Variants in SYMPK observed in about 807,000 individuals in gnomAD.
SYMPK encodes the protein symplekin scaffold protein.
Under a neutral mutation model 136.4 loss-of-function variants are expected in SYMPK, and 49 were observed. That is an observed-to-expected ratio of 0.36 (90% CI 0.29 to 0.46). The LOEUF is 0.46. Ranked by LOEUF, SYMPK falls within the 20% of genes least tolerant of loss-of-function variation. SYMPK has a pLI of 1.00. For synonymous variants in SYMPK, 766 were observed against 713.0 expected, an observed-to-expected ratio of 1.07 and a Z score of -1.19; for missense variants, 1,365 against 1,690.0, an observed-to-expected ratio of 0.81 and a Z score of 3.37.
At chr19:45,822,901 C>G in intron 20 of SYMPK, 55 bp from the exon 21 acceptor site, 2 of 1,448,648 alleles carry the variant, frequency 1.4e-6, no homozygotes, top group South Asian at 1.2e-5. Flanking sequence ...CCTCATTTCC[C>G]TTCTAGACAA....
At chr19:45,817,064 G>T in intron 23 of SYMPK, 90 bp from the exon 24 acceptor site, 3 of 1,323,070 alleles carry the variant, frequency 2.3e-6, no homozygotes, top group Non-Finnish European at 3.1e-6. Context: ...CCAAGACCAT[G>T]CCCAAATCCC....
In SYMPK at chr19:45,842,461, C is replaced by A; in HGVS notation, c.876G>T (p.Ser292=). The change falls in exon 9 of 27, where the codon TCG becomes TCT. Residue 292 remains serine, a synonymous_variant. Coordinates refer to ENST00000245934, the MANE Select transcript of SYMPK (RefSeq NM_004819.3). ...GATTCTTACGCACACTGCTCACCTG[C>A]GATTTGGCCAGCGTCGGGGGCAGGT... ...HANLPPTLAK[S]QVSSVRKNLK... 4.3e-6 allele frequency: 7 copies of A among 1,613,510 alleles called. No individual in the cohort carries two copies. Among genetic ancestry groups the A allele is most frequent in the Non-Finnish European group, 5.9e-6 (7 of 1,179,624 alleles).
At chr19:45,861,074 G>C (rs1453921329) in intron 1 of SYMPK, among the ~76,000 whole-genome samples, 3 of 152,110 alleles carry the variant, frequency 2.0e-5, no homozygotes, top group Non-Finnish European at 4.4e-5. Context: ...CAACCGGCAT[G>C]GCATGCCGTC....
chr19:45,853,218 C>T (rs969134772), intron 3 of SYMPK, among the ~76,000 whole-genome samples: 5 of 152,226 alleles, frequency 3.3e-5, no homozygotes, highest in African/African-American at 1.2e-4. Context: ...CGGGTTCTCA[C>T]ACAGGAATGC....
rs553965275 is a variant in SYMPK at position 45,821,618 on chromosome 19, G to T, written c.2792-133C>A. On this transcript the variant is annotated intron_variant, in intron 21 of 26. Transcript: ENST00000245934. This position sits in a 1 kb window ranked among gnomAD's most constrained non-coding sequence, Gnocchi z 4.4. ...CTCTGCTTTCAGGGCTGGAACAGGG[G>T]AAGCGACTGACAACATAAAAAGGGG... The T allele has an allele frequency of 1.5e-5, 10 of 665,558 alleles. No individual in the cohort carries two copies. Among genetic ancestry groups the T allele is most frequent in the African/African-American group, 3.7e-5 (2 of 54,428 alleles). The allele number at this position is 665,558 out of a possible 1,614,324, so 41.2% of individuals were successfully genotyped here. A position where few individuals can be genotyped will look rare whatever the true frequency, so the allele number is the denominator to read the frequency against.
At position 45,823,476 on chromosome 19, in the gene SYMPK, C is replaced by T. The variant is rs757735398; in HGVS notation, c.2600-4G>A. 1.2e-6 allele frequency: 2 copies of T among 1,613,562 alleles called. No homozygotes were observed. Among genetic ancestry groups the T allele is most frequent in the Non-Finnish European group, 1.7e-6 (2 of 1,179,894 alleles). On this transcript the variant is annotated splice_polypyrimidine_tract_variant and splice_region_variant and intron_variant, in intron 19 of 26. Transcript: ENST00000245934. ...ACCAGCTCTGGGGAGGGTGGGACTGCATGGAAGCAGCAGGAGGCACCAAGT... is the reference window on the plus strand; with the variant it reads ...ACCAGCTCTGGGGAGGGTGGGACTGTATGGAAGCAGCAGGAGGCACCAAGT...
At chr19:45,855,978 G>A (rs1971813045) in intron 1 of SYMPK, among the ~76,000 whole-genome samples, 1 of 151,796 alleles carries the variant, frequency 6.6e-6, no homozygotes, top group South Asian at 2.1e-4. Flanking sequence ...TCAAAAAAAA[G>A]AAAGGGGAAA....
At chr19:45,825,944 C>T (rs1971034209) in intron 17 of SYMPK, among the ~76,000 whole-genome samples, 1 of 152,162 alleles carries the variant, frequency 6.6e-6, no homozygotes, top group Non-Finnish European at 1.5e-5. Context: ...GTCTGTAATC[C>T]AGGGCTCTGC....
intron 1 of SYMPK, chr19:45,854,831 C>T (rs932618447): frequency 2.9e-6 from 1 of 350,394 alleles, no homozygotes; most frequent in Admixed American, 3.9e-5. Flanking sequence ...CGTGTGTCCC[C>T]TCTCTCCATC....
intron 3 of SYMPK, among the ~76,000 whole-genome samples, chr19:45,853,088 AACTCAAGCT>A (rs748300629): frequency 5.3e-5 from 8 of 152,156 alleles, no homozygotes; most frequent in Non-Finnish European, 1.0e-4. Flanking sequence ...TGGCTGCTAC[AACTCAAGCT>A]ACTATTGCTA....
At chr19:45,842,999 G>A (rs1051180711) in intron 8 of SYMPK, 4 of 158,032 alleles carry the variant, frequency 2.5e-5, no homozygotes, top group African/African-American at 9.6e-5. Context: ...TCTCCGTTAA[G>A]GGAGACCCCC....
intron 25 of SYMPK, 134 bp from the exon 26 acceptor site, chr19:45,816,317 C>T (rs1970735673): frequency 1.7e-6 from 2 of 1,177,226 alleles, no homozygotes; most frequent in Admixed American, 2.8e-5. Flanking sequence ...AGTTGTCCCC[C>T]AGACCCCCAA....
At position 45,821,366 on chromosome 19, in the gene SYMPK, G is replaced by C. The variant is rs202101205; in HGVS notation, c.2893+18C>G. The C allele has an allele frequency of 1.3e-5, 20 of 1,595,662 alleles. No homozygotes were observed. The highest frequency in any genetic ancestry group is 3.3e-5 in the South Asian group (3 of 90,694). On this transcript the variant is annotated intron_variant, in intron 22 of 26. Transcript: ENST00000245934. The surrounding 1 kb of genome is among the most constrained non-coding windows in gnomAD (Gnocchi z 4.4). ...GTCGCAGGGGCCAGGCCACTGGAGT[G>C]GGGGGGAAGCGCCTCACCTTTGATG... is the stretch of plus-strand genomic sequence containing the variant.
At chr19:45,823,606 T>A in intron 19 of SYMPK, 134 bp from the exon 20 acceptor site, 1 of 969,406 alleles carries the variant, frequency 1.0e-6, no homozygotes, top group Non-Finnish European at 1.6e-6. Flanking sequence ...CACGTGCAAT[T>A]AGCACCACAC....
At chr19:45,845,991 C>T (rs547551643) in intron 7 of SYMPK, among the ~76,000 whole-genome samples, 8 of 152,266 alleles carry the variant, frequency 5.3e-5, no homozygotes, top group African/African-American at 1.7e-4. Context: ...AATCCCAGCA[C>T]TTTGGGAGGC....
intron 7 of SYMPK, 45 bp downstream of exon 7, chr19:45,847,707 A>AC: frequency 6.3e-7 from 1 of 1,579,696 alleles, no homozygotes; most frequent in East Asian, 2.3e-5. Flanking sequence ...AGGAGAGGAA[A>AC]CTGGTGCAGG....
intron 1 of SYMPK, among the ~76,000 whole-genome samples, chr19:45,859,592 T>G (rs887186002): frequency 1.3e-5 from 2 of 151,836 alleles, no homozygotes; most frequent in African/African-American, 4.8e-5. Flanking sequence ...AGAGCAAGAC[T>G]CTGTCTCAAA....
chr19:45,839,458 A>T (rs1472794661), intron 9 of SYMPK, among the ~76,000 whole-genome samples: 1 of 152,066 alleles, frequency 6.6e-6, no homozygotes, highest in Non-Finnish European at 1.5e-5. Context: ...GTTCTTCCTT[A>T]CAGCAGAATG....
chr19:45,817,936 C>T (rs781463252), intron 23 of SYMPK, 23 bp downstream of exon 23: 8 of 1,539,020 alleles, frequency 5.2e-6, no homozygotes, highest in South Asian at 1.2e-5. Context: ...AGCCTGGAGG[C>T]GGGGTGGCCG....
Sources: gnomAD v4.1 joint callset for allele counts (sites outside exome capture counted in the v4.1 genomes callset) on GRCh38, gnomAD v4.1.1 for gene constraint, Gnocchi (gnomAD v3.1) non-coding constraint, MANE v1.5 for transcripts, NCBI Gene and HGNC (gene_info 2026-07-23, HGNC 2026-07-21) for gene names.